Variants in ADGRL3 observed in about 807,000 individuals in gnomAD.
ADGRL3 encodes calcium-independent alpha-latrotoxin receptor 3.
In ADGRL3, 62 loss-of-function variants were observed where a neutral mutation model predicts 153.5. The ratio of observed to expected loss-of-function variants is 0.40; its 90% CI spans 0.33 to 0.50. The LOEUF is 0.50. Ranked by LOEUF, ADGRL3 falls within the 20% of genes least tolerant of loss-of-function variation. The pLI is 0.47. For missense variants in ADGRL3, 1,641 were observed against 1,859.4 expected, an observed-to-expected ratio of 0.88 and a Z score of 2.16; for synonymous variants, 710 against 672.5, an observed-to-expected ratio of 1.06 and a Z score of -0.86.
At chr4:61,594,036 C>A (rs1426274323) in intron 5 of ADGRL3, among the ~76,000 whole-genome samples, 1 of 151,920 alleles carries the variant, frequency 6.6e-6, no homozygotes, top group Non-Finnish European at 1.5e-5. Context: ...AAATAGACTG[C>A]CTTCTATTTC....
chr4:61,405,953 G>T (rs1383018762), intron 2 of ADGRL3, among the ~76,000 whole-genome samples: 1 of 151,832 alleles, frequency 6.6e-6, no homozygotes, highest in African/African-American at 2.4e-5. Context: ...ACTTTATTCA[G>T]TTCAGCAAAA....
intron 4 of ADGRL3, among the ~76,000 whole-genome samples, chr4:61,562,487 C>T (rs1441605491): frequency 2.0e-5 from 3 of 152,186 alleles, no homozygotes; most frequent in Non-Finnish European, 2.9e-5. Context: ...TCTGCTGCTA[C>T]CTTATCAACT....
At chr4:61,341,174 T>C (rs1452989992) in intron 1 of ADGRL3, among the ~76,000 whole-genome samples, 1 of 152,028 alleles carries the variant, frequency 6.6e-6, no homozygotes, top group Non-Finnish European at 1.5e-5. Context: ...GTTTTGGTTC[T>C]TGTTTTATTG....
intron 5 of ADGRL3, among the ~76,000 whole-genome samples, chr4:61,642,337 G>T (rs966296516): frequency 2.0e-5 from 3 of 152,146 alleles, no homozygotes; most frequent in Non-Finnish European, 4.4e-5. Flanking sequence ...ATTGCTTTTG[G>T]TGTTTTAGAC....
chr4:61,478,795 T>A (rs373591444), intron 2 of ADGRL3, among the ~76,000 whole-genome samples: 6 of 152,184 alleles, frequency 3.9e-5, no homozygotes, highest in East Asian at 1.9e-4. Flanking sequence ...ATCAAAAAAA[T>A]TTTTAGGTAC....
intron 1 of ADGRL3, among the ~76,000 whole-genome samples, chr4:61,355,517 C>T (rs1261295239): frequency 1.3e-5 from 2 of 152,014 alleles, no homozygotes; most frequent in Non-Finnish European, 2.9e-5. Flanking sequence ...GGTGATGGGG[C>T]ATATCAAAAT....
chr4:61,367,456 C>T (rs2096424066), intron 1 of ADGRL3, among the ~76,000 whole-genome samples: 1 of 150,598 alleles, frequency 6.6e-6, no homozygotes, highest in African/African-American at 2.4e-5. Flanking sequence ...TCTCATTGTT[C>T]AATTCCCACC....
At position 61,364,186 on chromosome 4, in the gene ADGRL3, A is replaced by G. The variant is rs111407277; in HGVS notation, c.-239-18938A>G. Among the ~76,000 whole-genome samples the G allele has an allele frequency of 7.9e-5, 12 of 152,028 alleles. 1 individual carries two copies. Among genetic ancestry groups the G allele is most frequent in the African/African-American group, 2.7e-4 (11 of 41,498 alleles). On this transcript the variant is annotated intron_variant, in intron 1 of 26. Coordinates refer to ENST00000683033, the MANE Select transcript of ADGRL3 (RefSeq NM_001387552.1). The stretch of plus-strand genomic sequence containing the variant: ...CTCTACTAAAATAAAAAAAAAAATT[A>G]GCTGGGCATGGTGGTGCACACCTGT...
At chr4:61,795,874 G>T (rs559759465) in intron 8 of ADGRL3, among the ~76,000 whole-genome samples, 1 of 152,246 alleles carries the variant, frequency 6.6e-6, no homozygotes, top group African/African-American at 2.4e-5. Flanking sequence ...ACAGAGTCTA[G>T]CTCTGTCGCC....
At chr4:61,434,554 A>C (rs2097420580) in intron 2 of ADGRL3, among the ~76,000 whole-genome samples, 1 of 152,094 alleles carries the variant, frequency 6.6e-6, no homozygotes, top group African/African-American at 2.4e-5. Context: ...AGAATAGATA[A>C]TGGACACACA....
At chr4:62,038,813 T>C (rs1417950923) in intron 24 of ADGRL3, among the ~76,000 whole-genome samples, 1 of 152,092 alleles carries the variant, frequency 6.6e-6, no homozygotes, top group African/African-American at 2.4e-5. Flanking sequence ...TTTGCCATGT[T>C]GGCTAGCCTG....
At chr4:61,386,921 G>C (rs1447240565) in intron 2 of ADGRL3, among the ~76,000 whole-genome samples, 1 of 152,156 alleles carries the variant, frequency 6.6e-6, no homozygotes, top group Non-Finnish European at 1.5e-5. Flanking sequence ...TTCAGTCCGT[G>C]CAACATATGA....
chr4:61,799,843 T>C (rs1244944366), intron 8 of ADGRL3, among the ~76,000 whole-genome samples: 1 of 152,116 alleles, frequency 6.6e-6, no homozygotes, highest in South Asian at 2.1e-4. Flanking sequence ...GTGCTTATTA[T>C]GTGACAAGCA....
chr4:61,548,207 T>A (rs902973557), intron 4 of ADGRL3, among the ~76,000 whole-genome samples: 1 of 152,002 alleles, frequency 6.6e-6, no homozygotes, highest in African/African-American at 2.4e-5. Flanking sequence ...ATAGTTTGCA[T>A]GTTTTTTCTC....
intron 1 of ADGRL3, among the ~76,000 whole-genome samples, chr4:61,298,367 G>C (rs1037224090): frequency 6.6e-6 from 1 of 152,080 alleles, no homozygotes; most frequent in African/African-American, 2.4e-5. Flanking sequence ...TTGGGCAATT[G>C]TGCTGCTTGC....
At chr4:61,373,345 A>G (rs919073363) in intron 1 of ADGRL3, among the ~76,000 whole-genome samples, 2 of 152,240 alleles carry the variant, frequency 1.3e-5, no homozygotes, top group African/African-American at 4.8e-5. Flanking sequence ...TGTAATAAGC[A>G]TATAATTTGA....
intron 1 of ADGRL3, among the ~76,000 whole-genome samples, chr4:61,222,185 T>C (rs944465677): frequency 6.6e-6 from 1 of 152,120 alleles, no homozygotes; most frequent in African/African-American, 2.4e-5. Flanking sequence ...AATGTCCAAA[T>C]AGAACACTGT....
intron 4 of ADGRL3, among the ~76,000 whole-genome samples, chr4:61,580,127 A>G (rs975778236): frequency 1.8e-4 from 28 of 152,134 alleles, no homozygotes; most frequent in Non-Finnish European, 4.4e-5. Flanking sequence ...TTTCAAAGGC[A>G]TTGCCAATAA....
chr4:61,741,125 C>T (rs529982166), intron 8 of ADGRL3, among the ~76,000 whole-genome samples: 33 of 152,242 alleles, frequency 2.2e-4, no homozygotes, highest in African/African-American at 7.5e-4. Context: ...AATGTGAGTG[C>T]TGGGCAGAGA....
Sources: gnomAD v4.1 joint callset for allele counts (sites outside exome capture counted in the v4.1 genomes callset) on GRCh38, gnomAD v4.1.1 for gene constraint, MANE v1.5 for transcripts, NCBI Gene and HGNC (gene_info 2026-07-23, HGNC 2026-07-21) for gene names.